The following N4BP1 variants were observed in gnomAD, a reference collection of about 807,000 sequenced individuals.
N4BP1 encodes the protein NEDD4-binding protein 1.
N4BP1 carries 21 observed loss-of-function variants against 70.9 expected under a neutral mutation model. The observed-to-expected ratio is 0.30, with a 90% CI of 0.21 to 0.43. The LOEUF (loss-of-function observed/expected upper bound fraction) is 0.43, where lower values mean the gene tolerates loss of function less well. N4BP1 is among the 20% of genes least tolerant of loss of function. N4BP1 has a pLI of 1.00. For synonymous variants in N4BP1, 387 were observed against 394.6 expected (o/e 0.98, Z 0.23); for missense variants, 936 against 1,069.4 (o/e 0.88, Z 1.74).
intron 2 of N4BP1, among the ~76,000 whole-genome samples, chr16:48,559,197 A>G (rs556135601): frequency 9.2e-4 from 140 of 152,304 alleles, no homozygotes; most frequent in Non-Finnish European, 1.7e-3. Flanking sequence ...AAATCCTAAT[A>G]AAAAATTTAC....
intron 1 of N4BP1, among the ~76,000 whole-genome samples, chr16:48,584,716 G>C (rs1964218728): frequency 6.6e-6 from 1 of 151,878 alleles, no homozygotes; most frequent in South Asian, 2.1e-4. Flanking sequence ...TCTGAGTCCA[G>C]CTAATAACAC....
At chr16:48,548,833 G>A (rs376741165) in intron 4 of N4BP1, among the ~76,000 whole-genome samples, 32 of 132,464 alleles carry the variant, frequency 2.4e-4, no homozygotes, top group East Asian at 1.5e-3. Flanking sequence ...GAACGAGACT[G>A]CTTCAAAAAA....
In N4BP1 at chr16:48,561,305, T is replaced by C; in HGVS notation, c.1338A>G (p.Pro446=). 6.2e-7 allele frequency: 1 copy of C among 1,613,824 alleles called. No homozygotes were observed. Among genetic ancestry groups the C allele is most frequent in the Non-Finnish European group, 8.5e-7 (1 of 1,179,806 alleles). The change falls in exon 2 of 7, where the codon CCA becomes CCG. Residue 446 remains proline (P), a synonymous_variant. Transcript: ENST00000262384. The stretch of plus-strand genomic sequence containing the variant: ...TACATGGTTTAGCTTCCACTTTGAA[T>C]GGTAACTGAGAAAATTTTTCTACCA... The part of the protein sequence containing the change: ...QNMVEKFSQL[P]FKVEAKPCTS...
At chr16:48,560,111 A>C (rs889753929) in intron 2 of N4BP1, among the ~76,000 whole-genome samples, 4 of 151,684 alleles carry the variant, frequency 2.6e-5, no homozygotes, top group Non-Finnish European at 5.9e-5. Context: ...TAGAAAAAAA[A>C]CCCAAGCGTA....
intron 5 of N4BP1, 30 bp from the exon 6 acceptor site, chr16:48,546,284 G>A: frequency 6.7e-7 from 1 of 1,502,458 alleles, no homozygotes; most frequent in Non-Finnish European, 9.1e-7. Flanking sequence ...GAGGCTGAGA[G>A]ACAGGGTCCT....
chr16:48,566,363 G>T (rs142292887), intron 1 of N4BP1, among the ~76,000 whole-genome samples: 16 of 152,186 alleles, frequency 1.1e-4, no homozygotes, highest in African/African-American at 3.9e-4. Flanking sequence ...TCTAATGTAA[G>T]CATTTAAGTG....
At chr16:48,582,535 T>C (rs1162013276) in intron 1 of N4BP1, among the ~76,000 whole-genome samples, 2 of 152,152 alleles carry the variant, frequency 1.3e-5, no homozygotes, top group Admixed American at 1.3e-4. Context: ...AAGCAATAAA[T>C]TGCTTCCTTT....
chr16:48,582,922 A>G (rs957187736), intron 1 of N4BP1, among the ~76,000 whole-genome samples: 4 of 152,072 alleles, frequency 2.6e-5, no homozygotes, highest in Non-Finnish European at 5.9e-5. Flanking sequence ...CATCTCTATA[A>G]CCAATTTAAA....
intron 1 of N4BP1, among the ~76,000 whole-genome samples, chr16:48,605,223 G>C (rs1314975344): frequency 1.3e-5 from 2 of 152,030 alleles, no homozygotes; most frequent in South Asian, 4.2e-4. Context: ...GTAGAGACAG[G>C]GTTTCTCCAT....
chr16:48,548,126 T>G lies in N4BP1; in HGVS notation c.2118-12A>C. The G allele has an allele frequency of 6.6e-7, 1 of 1,511,836 alleles. No homozygotes were observed. The allele number at this position is 1,511,836 out of a possible 1,614,324, so 93.7% of individuals were successfully genotyped here. A position where few individuals can be genotyped will look rare whatever the true frequency, so the allele number is the denominator to read the frequency against. On this transcript the variant is annotated splice_polypyrimidine_tract_variant and intron_variant, in intron 4 of 6. Transcript: ENST00000262384. ...AGTGTAGTAGAAACCTATGGTAATA[T>G]AAGAGAGTTTAAAATCAGCAACAGG...
At chr16:48,606,327 G>A (rs974317646) in intron 1 of N4BP1, among the ~76,000 whole-genome samples, 6 of 152,086 alleles carry the variant, frequency 3.9e-5, no homozygotes, top group Non-Finnish European at 8.8e-5. Context: ...TCATTTCACT[G>A]TTGGTCTTCT....
chr16:48,605,118 C>T (rs1418538007), intron 1 of N4BP1, among the ~76,000 whole-genome samples: 3 of 152,040 alleles, frequency 2.0e-5, no homozygotes, highest in Non-Finnish European at 2.9e-5. Flanking sequence ...CCGCAACCTC[C>T]GCTTCCCTGG....
chr16:48,546,532 T>A (rs1423079930), intron 5 of N4BP1: 2 of 290,816 alleles, frequency 6.9e-6, no homozygotes, highest in Non-Finnish European at 1.3e-5. Context: ...AGCCGCTTCT[T>A]CTTCTAATAT....
In N4BP1 at chr16:48,543,184, G is replaced by C. The variant is rs775762206; in HGVS notation, c.2411C>G (p.Ala804Gly). Residue 804 changes from alanine (A) to glycine (G), a missense_variant, in exon 7 of 7, where the codon GCA (alanine) becomes GGA (glycine). Physicochemically the swap from Ala to Gly is moderately conservative, Grantham distance 60 (BLOSUM62 0). Coordinates refer to ENST00000262384, the MANE Select transcript of N4BP1 (RefSeq NM_153029.4). Reference sequence around the variant, plus strand: ...CGGAGGCTGGTGGCTGGTGCTGGCTGCCTGGGTGCCAGGGACTCTGAAGCT... The same window carrying C: ...CGGAGGCTGGTGGCTGGTGCTGGCTCCCTGGGTGCCAGGGACTCTGAAGCT... ...DPSFRVPGTQAASTSHQPPTR... is the reference protein window; with the variant it reads ...DPSFRVPGTQGASTSHQPPTR... 6.3e-6 allele frequency: 10 copies of C among 1,592,768 alleles called. No homozygotes were observed. In the Admixed American group the frequency reaches 1.7e-4, roughly 27 times the overall value.
At chr16:48,579,525 C>G (rs1226762728) in intron 1 of N4BP1, among the ~76,000 whole-genome samples, 1 of 152,118 alleles carries the variant, frequency 6.6e-6, no homozygotes, top group Non-Finnish European at 1.5e-5. Flanking sequence ...ATGTAGATTT[C>G]TGTCCAGTAG....
intron 1 of N4BP1, among the ~76,000 whole-genome samples, chr16:48,593,709 T>C (rs1210077929): frequency 6.6e-6 from 1 of 152,152 alleles, no homozygotes; most frequent in African/African-American, 2.4e-5. Flanking sequence ...ATTTGTAAAA[T>C]GCTATTAAAC....
chr16:48,582,878 A>G (rs11644518), intron 1 of N4BP1, among the ~76,000 whole-genome samples: 61,286 of 151,910 alleles, frequency 0.4, 13,327 homozygotes, highest in African/African-American at 0.56. Context: ...GAGCTCAGGA[A>G]TTTGAGAACA....
chr16:48,583,293 A>T (rs1333533962), intron 1 of N4BP1, among the ~76,000 whole-genome samples: 2 of 152,174 alleles, frequency 1.3e-5, no homozygotes, highest in African/African-American at 4.8e-5. Flanking sequence ...ACATGAGGTT[A>T]AGTGAAATAA....
At chr16:48,556,624 T>C (rs1244242452) in intron 2 of N4BP1, among the ~76,000 whole-genome samples, 1 of 152,192 alleles carries the variant, frequency 6.6e-6, no homozygotes, top group Non-Finnish European at 1.5e-5. Flanking sequence ...GGTTATATCA[T>C]CTGGTTGTTT....
Sources: gnomAD v4.1 joint callset for allele counts (sites outside exome capture counted in the v4.1 genomes callset) on GRCh38, gnomAD v4.1.1 for gene constraint, MANE v1.5 for transcripts, NCBI Gene and HGNC (gene_info 2026-07-23, HGNC 2026-07-21) for gene names.